The following XRCC4 variants were observed in gnomAD, a reference collection of about 807,000 sequenced individuals.
The protein encoded by XRCC4 is DNA repair protein XRCC4.
XRCC4 carries 28 observed loss-of-function variants against 39.1 expected under a neutral mutation model. The ratio of observed to expected loss-of-function variants is 0.72; its 90% CI spans 0.53 to 0.98. The LOEUF is 0.98. Among genes scored for constraint, XRCC4 ranks in the 50% least tolerant of loss-of-function variants. XRCC4 has a pLI of 0.00. For synonymous variants in XRCC4, 123 were observed against 126.4 expected (o/e 0.97, Z 0.18); for missense variants, 350 against 376.4 (o/e 0.93, Z 0.58).
intron 7 of XRCC4, among the ~76,000 whole-genome samples, chr5:83,268,836 A>C (rs913329044): frequency 2.6e-5 from 4 of 152,212 alleles, no homozygotes; most frequent in Admixed American, 2.6e-4. Flanking sequence ...AGAGAATAAG[A>C]TATGAATTGA....
chr5:83,366,601 C>T, the XRCC4 span, among the ~76,000 whole-genome samples: 1 of 152,134 alleles, frequency 6.6e-6, no homozygotes, highest in South Asian at 2.1e-4. Context: ...AAGTAAAAGC[C>T]AAGAGCTTTA....
chr5:83,352,999 G>C (rs1329087739), intron 7 of XRCC4, 132 bp from the exon 8 acceptor site: 4 of 662,892 alleles, frequency 6.0e-6, no homozygotes, highest in Non-Finnish European at 9.9e-6. Context: ...TAATAGCATA[G>C]AGAAATAAAT....
intron 4 of XRCC4, among the ~76,000 whole-genome samples, chr5:83,198,136 T>C (rs925395641): frequency 1.3e-5 from 2 of 152,104 alleles, no homozygotes; most frequent in Admixed American, 1.3e-4. Flanking sequence ...ACTGGGGACA[T>C]AGAAAGTAGA....
chr5:83,160,986 A>G (rs1337516244), intron 3 of XRCC4, among the ~76,000 whole-genome samples: 2 of 152,210 alleles, frequency 1.3e-5, no homozygotes, highest in Non-Finnish European at 2.9e-5. Flanking sequence ...CTTTGCAAAT[A>G]CAAGCTTATT....
At chr5:83,259,451 A>G (rs1753674301) in intron 7 of XRCC4, 3 of 151,986 alleles carry the variant, frequency 2.0e-5, no homozygotes, top group South Asian at 2.1e-4. Flanking sequence ...GGGTTTTCCA[A>G]TGGCCCTTTG....
chr5:83,131,947 C>T (rs7707975), intron 3 of XRCC4, among the ~76,000 whole-genome samples: 69,688 of 151,878 alleles, frequency 0.46, 16,897 homozygotes, highest in African/African-American at 0.59. Flanking sequence ...TTATTTTGCT[C>T]GTTAGTTGAT....
intron 6 of XRCC4, among the ~76,000 whole-genome samples, chr5:83,246,054 A>G (rs148332247): frequency 1.6e-3 from 246 of 152,004 alleles, no homozygotes; most frequent in African/African-American, 5.4e-3. Context: ...CCTTTTTCCT[A>G]TTAAGTTTGG....
At chr5:83,212,938 A>AC in intron 6 of XRCC4, among the ~76,000 whole-genome samples, 1 of 149,970 alleles carries the variant, frequency 6.7e-6, no homozygotes, top group African/African-American at 2.4e-5. Flanking sequence ...AAAAAAAAAA[A>AC]AAACACCAAA....
intron 6 of XRCC4, among the ~76,000 whole-genome samples, chr5:83,207,396 T>C (rs1480750288): frequency 6.6e-6 from 1 of 152,130 alleles, no homozygotes; most frequent in East Asian, 1.9e-4. Context: ...ATGTTCTTTC[T>C]CTATTTTACG....
intron 3 of XRCC4, among the ~76,000 whole-genome samples, chr5:83,134,031 C>A (rs933298576): frequency 6.6e-6 from 1 of 152,196 alleles, no homozygotes; most frequent in Admixed American, 6.5e-5. Context: ...GCTGGGCAAG[C>A]GCCGCAGTCT....
intron 7 of XRCC4, among the ~76,000 whole-genome samples, chr5:83,328,252 G>A (rs1580517776): frequency 1.3e-5 from 2 of 151,968 alleles, no homozygotes; most frequent in Non-Finnish European, 2.9e-5. Context: ...CCTCTCCCTG[G>A]GTCCCTCCCA....
chr5:83,322,803 C>T (rs1756121601), intron 7 of XRCC4, among the ~76,000 whole-genome samples: 1 of 152,126 alleles, frequency 6.6e-6, no homozygotes, highest in Non-Finnish European at 1.5e-5. Context: ...CACCTAATGG[C>T]CTTGGAGGCA....
rs901194226 is a variant in XRCC4, at chr5:83,239,779, A to G, written c.746-18751A>G. The stretch of plus-strand genomic sequence containing the variant: ...AGGAGGCGGAGCTTGCAGTGAGCCG[A>G]GATTGGGCCACTGTACTCCAACCTG... On this transcript the variant is annotated intron_variant, in intron 6 of 7. Coordinates refer to ENST00000396027, the MANE Select transcript of XRCC4 (RefSeq NM_003401.5). Among the ~76,000 whole-genome samples the G allele has an allele frequency of 4.0e-5, 6 of 151,580 alleles. No homozygotes were observed. The East Asian group carries it at 1.2e-3, about 29-fold the overall frequency.
At chr5:83,171,464 C>T (rs1469909159) in intron 3 of XRCC4, among the ~76,000 whole-genome samples, 2 of 151,992 alleles carry the variant, frequency 1.3e-5, no homozygotes, top group South Asian at 4.1e-4. Flanking sequence ...CCAACAATTA[C>T]AATTGGGAAC....
At chr5:83,172,893 A>G (rs1460695034) in intron 3 of XRCC4, among the ~76,000 whole-genome samples, 1 of 152,104 alleles carries the variant, frequency 6.6e-6, no homozygotes, top group Admixed American at 6.6e-5. Context: ...ACAAATTCAA[A>G]ACATTCTGGA....
intron 3 of XRCC4, among the ~76,000 whole-genome samples, chr5:83,165,186 C>T (rs1410598119): frequency 6.6e-6 from 1 of 151,212 alleles, no homozygotes; most frequent in Non-Finnish European, 1.5e-5. Context: ...AAATAATTCC[C>T]CCTTTAAAAA....
intron 3 of XRCC4, among the ~76,000 whole-genome samples, chr5:83,122,296 A>G (rs1747048177): frequency 6.6e-6 from 1 of 152,182 alleles, no homozygotes; most frequent in African/African-American, 2.4e-5. Context: ...ACTCATAAAT[A>G]TAATACATCC....
At chr5:83,247,074 CT>C (rs1280675358) in intron 6 of XRCC4, among the ~76,000 whole-genome samples, 1 of 152,146 alleles carries the variant, frequency 6.6e-6, no homozygotes, top group Non-Finnish European at 1.5e-5. Context: ...TAAAATAGTT[CT>C]GCTGATTGCC....
intron 7 of XRCC4, among the ~76,000 whole-genome samples, chr5:83,303,458 G>T (rs535495091): frequency 1.9e-4 from 29 of 152,214 alleles, no homozygotes; most frequent in African/African-American, 7.0e-4. Context: ...ATAAATGTTG[G>T]TTGGTGAATG....
Sources: allele counts gnomAD v4.1 joint callset (sites outside exome capture counted in the v4.1 genomes callset), GRCh38; gene constraint gnomAD v4.1.1; transcripts MANE v1.5; gene names NCBI Gene and HGNC (gene_info 2026-07-23, HGNC 2026-07-21).